AGMO: variants seen among roughly 807,000 people sequenced by gnomAD.
AGMO encodes the protein glyceryl-ether monooxygenase.
Under a neutral mutation model 60.2 loss-of-function variants are expected in AGMO, and 75 were observed. The ratio of observed to expected loss-of-function variants is 1.25; its 90% confidence interval spans 1.03 to 1.51. The LOEUF is 1.51. Among genes scored for constraint, AGMO ranks in the 40% most tolerant of loss-of-function variants. AGMO has a pLI of 0.00. For synonymous variants in AGMO, 261 were observed against 177.1 expected (o/e 1.47, Z -3.76); for missense variants, 763 against 525.5 (o/e 1.45, Z -4.42).
chr7:15,443,375 C>T (rs887831622), intron 3 of AGMO, among the ~76,000 whole-genome samples: 1 of 152,164 alleles, frequency 6.6e-6, no homozygotes, highest in South Asian at 2.1e-4. Context: ...AGCAGGGCAC[C>T]AAAGAAGCAA....
At chr7:15,123,436 AG>A in the AGMO span, among the ~76,000 whole-genome samples, 1 of 152,032 alleles carries the variant, frequency 6.6e-6, no homozygotes, top group East Asian at 1.9e-4. Context: ...GGCATAGAGA[AG>A]GCCCTCAATA....
At chr7:15,542,108 G>C (rs1784645167) in intron 3 of AGMO, among the ~76,000 whole-genome samples, 1 of 151,836 alleles carries the variant, frequency 6.6e-6, no homozygotes, top group Non-Finnish European at 1.5e-5. Context: ...TGTGTGTCTT[G>C]ATTTCTAAAA....
In AGMO at chr7:15,299,867, AC is replaced by A. The variant is rs1563075531; in HGVS notation, c.1263+65646del. 2.0e-3 allele frequency among the ~76,000 whole-genome samples: 304 copies of A among 151,184 alleles called. 5 individuals carry two copies. Among genetic ancestry groups the A allele is most frequent in the African/African-American group, 6.7e-3 (277 of 41,218 alleles). On this transcript the variant is annotated intron_variant, in intron 12 of 12. Coordinates refer to ENST00000342526, the MANE Select transcript of AGMO (RefSeq NM_001004320.2). ...CACACACACACACACACACACACAC[AC>A]ACACACACACACACACACAGTATGT... is the stretch of plus-strand genomic sequence containing the variant.
At chr7:15,551,777 A>C (rs1469084082) in intron 2 of AGMO, among the ~76,000 whole-genome samples, 5,230 of 150,602 alleles carry the variant, frequency 0.035, 289 homozygotes, top group African/African-American at 0.12. Context: ...CCATCCCCAT[A>C]AAGCTACCAA....
intron 12 of AGMO, among the ~76,000 whole-genome samples, chr7:15,311,255 C>A (rs1231815052): frequency 1.3e-5 from 2 of 152,108 alleles, no homozygotes; most frequent in Non-Finnish European, 2.9e-5. Context: ...AATATGGAAA[C>A]TCATATAGCG....
At chr7:15,500,500 AGT>A (rs3076840) in intron 3 of AGMO, among the ~76,000 whole-genome samples, 4,719 of 151,504 alleles carry the variant, frequency 0.031, 88 homozygotes, top group Middle Eastern at 0.044. Flanking sequence ...GCTGTATATG[AGT>A]GTGTGTGTGT....
At chr7:15,480,318 T>A (rs981600723) in intron 3 of AGMO, among the ~76,000 whole-genome samples, 2 of 152,146 alleles carry the variant, frequency 1.3e-5, no homozygotes, top group Admixed American at 6.6e-5. Flanking sequence ...TTGAGAGTCT[T>A]ATGATTAATG....
At chr7:15,549,354 T>G (rs967675683) in intron 2 of AGMO, among the ~76,000 whole-genome samples, 7 of 152,078 alleles carry the variant, frequency 4.6e-5, no homozygotes, top group Middle Eastern at 3.4e-3. Flanking sequence ...ATGCTCCAGT[T>G]AAAAGACACA....
chr7:15,181,455 C>A, the AGMO span, among the ~76,000 whole-genome samples: 1 of 152,138 alleles, frequency 6.6e-6, no homozygotes, highest in Non-Finnish European at 1.5e-5. Context: ...AGTCACTACC[C>A]ATATATGAAT....
In AGMO at chr7:15,251,977, C is replaced by A. The variant is rs961662567; in HGVS notation, c.1264-50618G>T. Among the ~76,000 whole-genome samples, 11 of 152,138 alleles carry A rather than the reference C, an allele frequency of 7.2e-5. No homozygotes were observed. The East Asian group carries it at 2.1e-3, about 29-fold the overall frequency. On this transcript the variant is annotated intron_variant, in intron 12 of 12. Transcript: ENST00000342526. ...ATCTGTAGTTCATTCATAGTTTGCT[C>A]CCATTCTGATGTAATTTACTAATCA...
the AGMO span, among the ~76,000 whole-genome samples, chr7:15,179,953 C>A: frequency 6.6e-6 from 1 of 152,094 alleles, no homozygotes; most frequent in African/African-American, 2.4e-5. Flanking sequence ...GGATGAGAAT[C>A]CCAAGATGGC....
chr7:15,469,854 CAGGAT>C (rs1782400333), intron 3 of AGMO, among the ~76,000 whole-genome samples: 1 of 151,884 alleles, frequency 6.6e-6, no homozygotes. Context: ...GATTAGATCT[CAGGAT>C]AGAGAGAGCA....
At chr7:15,543,879 C>T (rs1784696959) in intron 3 of AGMO, among the ~76,000 whole-genome samples, 1 of 151,666 alleles carries the variant, frequency 6.6e-6, no homozygotes, top group Admixed American at 6.6e-5. Flanking sequence ...AAGGAATCTC[C>T]ACACTGTTTT....
chr7:15,499,907 G>GCACACACACACA (rs367953278), intron 3 of AGMO, among the ~76,000 whole-genome samples: 5 of 137,718 alleles, frequency 3.6e-5, no homozygotes, highest in African/African-American at 7.9e-5. Context: ...TATGTATTAC[G>GCACACACACACA]CACACACACA....
the AGMO span, among the ~76,000 whole-genome samples, chr7:15,172,026 A>G: frequency 1.3e-5 from 2 of 152,206 alleles, no homozygotes; most frequent in Admixed American, 1.3e-4. Context: ...ACTCAATGAG[A>G]CAGTGATGTG....
chr7:15,431,673 T>C (rs930978765), intron 3 of AGMO, among the ~76,000 whole-genome samples: 3 of 151,906 alleles, frequency 2.0e-5, no homozygotes, highest in Non-Finnish European at 4.4e-5. Flanking sequence ...CTTTTATTTA[T>C]AAAAAGATAT....
intron 12 of AGMO, among the ~76,000 whole-genome samples, chr7:15,344,244 A>G (rs977634637): frequency 7.2e-5 from 11 of 152,190 alleles, no homozygotes; most frequent in Non-Finnish European, 1.2e-4. Flanking sequence ...TGTAATTACA[A>G]TATTTATGTA....
At chr7:15,514,105 A>C (rs1033004258) in intron 3 of AGMO, among the ~76,000 whole-genome samples, 10 of 152,164 alleles carry the variant, frequency 6.6e-5, no homozygotes, top group African/African-American at 2.4e-4. Context: ...CCTAAACACC[A>C]GTCTTAGATC....
At chr7:15,494,832 C>A (rs546237243) in intron 3 of AGMO, among the ~76,000 whole-genome samples, 1 of 152,196 alleles carries the variant, frequency 6.6e-6, no homozygotes, top group Non-Finnish European at 1.5e-5. Flanking sequence ...ACTCTGCAGG[C>A]AAAGCCGCTT....
Sources: allele counts gnomAD v4.1 joint callset (sites outside exome capture counted in the v4.1 genomes callset), GRCh38; gene constraint gnomAD v4.1.1; transcripts MANE v1.5; gene names NCBI Gene and HGNC (gene_info 2026-07-23, HGNC 2026-07-21).